The following MX2 variants were observed in gnomAD, a reference collection of about 807,000 sequenced individuals.
MX2 encodes the protein MX dynamin like GTPase 2.
In MX2, 51 loss-of-function variants were observed where a neutral mutation model predicts 74.0. The observed-to-expected ratio is 0.69, with a 90% CI of 0.55 to 0.87. The LOEUF is 0.87. MX2 is among the 40% of genes least tolerant of loss of function. The pLI is 0.00. For synonymous variants in MX2, 369 were observed against 339.3 expected, an observed-to-expected ratio of 1.09 and a Z score of -0.96; for missense variants, 832 against 908.7, an observed-to-expected ratio of 0.92 and a Z score of 1.09.
At chr21:41,378,738 A>T (rs1304595344) in intron 3 of MX2, among the ~76,000 whole-genome samples, 2 of 152,188 alleles carry the variant, frequency 1.3e-5, no homozygotes, top group Non-Finnish European at 2.9e-5. Flanking sequence ...AGGAGTTTTT[A>T]GGTAAGCAGG....
Position 41,401,994 on chromosome 21 carries a change from T to C in MX2, c.1439T>C (p.Val480Ala), listed in dbSNP as rs1259126110. 4.3e-6 allele frequency: 7 copies of C among 1,613,324 alleles called. No individual in the cohort carries two copies. The highest frequency in any genetic ancestry group is 4.0e-5 in the African/African-American group (3 of 74,860). ...QKVKNIIHEE[V>A]EKYEKQYRGK... ...GTTAAAAATATTATCCACGAAGAAG[T>C]TGAAAAATATGAAAAGCAGTATCGA... The change falls in exon 11 of 14, where the codon GTT (valine) becomes GCT (alanine). Residue 480 changes from valine to alanine, a missense_variant. Val to Ala is a moderately conservative substitution (Grantham distance 64). Coordinates refer to ENST00000330714, the MANE Select transcript of MX2 (RefSeq NM_002463.2).
At position 41,402,305 on chromosome 21, in the gene MX2, A is replaced by G. The variant is rs1374649066; in HGVS notation, c.1573+177A>G. ...GCCAGCAGCACTGGCAAGGCCTGAG[A>G]GCTGGTCAGAGCTACCGATTCTGCC... is the stretch of plus-strand genomic sequence containing the variant. On this transcript the variant is annotated intron_variant, in intron 11 of 13. Coordinates refer to ENST00000330714, the MANE Select transcript of MX2 (RefSeq NM_002463.2). This position sits in a 1 kb window ranked among gnomAD's most constrained non-coding sequence, Gnocchi z 4.5. 1 of 657,128 alleles carries G rather than the reference A, an allele frequency of 1.5e-6. No individual in the cohort carries two copies. The highest frequency in any genetic ancestry group is 1.8e-5 in the African/African-American group (1 of 54,918). The allele number at this position is 657,128 out of a possible 1,614,324, so 40.7% of individuals were successfully genotyped here.
Position 41,377,168 on chromosome 21 carries a change from G to A in MX2, c.249+13G>A. 3.1e-6 allele frequency: 5 copies of A among 1,613,230 alleles called. No individual in the cohort carries two copies. The highest frequency in any genetic ancestry group is 4.2e-6 in the Non-Finnish European group (5 of 1,179,392). On this transcript the variant is annotated intron_variant, in intron 2 of 13. Coordinates refer to ENST00000330714, the MANE Select transcript of MX2 (RefSeq NM_002463.2). The stretch of plus-strand genomic sequence containing the variant: ...ACCAAGGGCAATGGTAAGCCCGGTG[G>A]AGGGACGTTCAGAAAGGGTGCATTC...
At position 41,390,725 on chromosome 21, in the gene MX2, G is replaced by T. The variant is rs765064602; in HGVS notation, c.871+22G>T. 3 of 1,612,156 alleles carry T rather than the reference G, an allele frequency of 1.9e-6. No individual in the cohort carries two copies. In the Admixed American group the frequency reaches 5.0e-5, roughly 27 times the overall value. Reference sequence around the variant, plus strand: ...ATCGGTAAGAGGAAAGAACCAAGTGGCCGGGTGCGGTGGCTCAAGCCTGTA... The same window carrying T: ...ATCGGTAAGAGGAAAGAACCAAGTGTCCGGGTGCGGTGGCTCAAGCCTGTA... On this transcript the variant is annotated intron_variant, in intron 6 of 13. Coordinates refer to ENST00000330714, the MANE Select transcript of MX2 (RefSeq NM_002463.2).
chr21:41,377,770 T>G lies in MX2; in HGVS notation c.250-19T>G. The G allele has an allele frequency of 6.9e-6, 11 of 1,594,264 alleles. No homozygotes were observed. Among genetic ancestry groups the G allele is most frequent in the Non-Finnish European group, 9.4e-6 (11 of 1,165,204 alleles). ...CCTATCAGGGGTCAAGGCAGTGGCA[T>G]CTGTTCTGCCTTCTCCAGGGGCCCG... On this transcript the variant is annotated intron_variant, in intron 2 of 13. Coordinates refer to ENST00000330714, the MANE Select transcript of MX2 (RefSeq NM_002463.2).
At position 41,377,848 on chromosome 21, in the gene MX2, C is replaced by G. The variant is rs1228318739; in HGVS notation, c.309C>G (p.Leu103=). The G allele has an allele frequency of 6.8e-6, 11 of 1,614,232 alleles. No individual in the cohort carries two copies. Among genetic ancestry groups the G allele is most frequent in the African/African-American group, 1.3e-5 (1 of 75,074 alleles). The change falls in exon 3 of 14, where the codon CTC becomes CTG. Residue 103 remains leucine, a synonymous_variant. Coordinates refer to ENST00000330714, the MANE Select transcript of MX2 (RefSeq NM_002463.2). ...YEQKVRPCID[L]IDSLRALGVE... is the part of the protein sequence containing the mutation. ...AGAAGGTGCGCCCCTGCATTGACCT[C>G]ATCGACTCCCTGCGGGCTCTGGGTG...
intron 5 of MX2, chr21:41,389,512 C>G (rs1462864447): frequency 6.6e-6 from 1 of 152,118 alleles, no homozygotes; most frequent in East Asian, 1.9e-4. Context: ...CAGAGCAAGA[C>G]CATGTCTCAG....
rs2089824811 is a variant in MX2 at position 41,402,273 on chromosome 21, T to A, written c.1573+145T>A. The A allele has an allele frequency of 1.0e-6, 1 of 970,960 alleles. No individual in the cohort carries two copies. Among genetic ancestry groups the A allele is most frequent in the Non-Finnish European group, 1.5e-6 (1 of 682,320 alleles). The allele number at this position is 970,960 out of a possible 1,614,324, so 60.1% of individuals were successfully genotyped here. A position where few individuals can be genotyped will look rare whatever the true frequency, so the allele number is the denominator to read the frequency against. ...TGTGCTAGATTGCTACTCTGTGTGG[T>A]CTGTGAGCCAGCAGCACTGGCAAGG... On this transcript the variant is annotated intron_variant, in intron 11 of 13. Transcript: ENST00000330714. This position sits in a 1 kb window ranked among gnomAD's most constrained non-coding sequence, Gnocchi z 4.5.
intron 7 of MX2, among the ~76,000 whole-genome samples, chr21:41,396,669 A>G (rs2089740506): frequency 6.6e-6 from 1 of 152,190 alleles, no homozygotes; most frequent in Non-Finnish European, 1.5e-5. Context: ...GCCAGCACTC[A>G]GTAAACACCA....
In MX2 at chr21:41,377,328, C is replaced by T. The variant is rs149742234; in HGVS notation, c.249+173C>T. ...AGTACCAGGAACATACATAGACTCT[C>T]CTGCAGCAACGGGCTGCTGCGACGT... On this transcript the variant is annotated intron_variant, in intron 2 of 13. Coordinates refer to ENST00000330714, the MANE Select transcript of MX2 (RefSeq NM_002463.2). Among the ~76,000 whole-genome samples, 120 of 152,334 alleles carry T rather than the reference C, an allele frequency of 7.9e-4. 2 individuals carry two copies. Among genetic ancestry groups the T allele is most frequent in the Non-Finnish European group, 7.9e-4 (54 of 68,034 alleles).
rs1328524067 is a variant in MX2, at chr21:41,406,890, T to G, written c.1797T>G (p.Pro599=). Residue 599 remains proline (P), a synonymous_variant, in exon 13 of 14, where the codon CCT becomes CCG. Coordinates refer to ENST00000330714, the MANE Select transcript of MX2 (RefSeq NM_002463.2). ...LKKVREEIFN[P]LGTPSQNMKL... ...AAGTCCGAGAAGAGATTTTTAACCC[T>G]CTGGGGACGCCTTCACAGAATATGA... 6.2e-7 allele frequency: 1 copy of G among 1,614,232 alleles called. No homozygotes were observed. Among genetic ancestry groups the G allele is most frequent in the Admixed American group, 1.7e-5 (1 of 60,028 alleles).
intron 5 of MX2, among the ~76,000 whole-genome samples, chr21:41,385,070 CCTGTCTCA>C (rs1381914466): frequency 6.6e-6 from 1 of 152,068 alleles, no homozygotes; most frequent in Non-Finnish European, 1.5e-5. Context: ...TGTCTCCTTA[CCTGTCTCA>C]CTGTCTTATC....
In MX2 at chr21:41,377,169, A is replaced by T; in HGVS notation, c.249+14A>T. On this transcript the variant is annotated intron_variant, in intron 2 of 13. Coordinates refer to ENST00000330714, the MANE Select transcript of MX2 (RefSeq NM_002463.2). ...CCAAGGGCAATGGTAAGCCCGGTGG[A>T]GGGACGTTCAGAAAGGGTGCATTCT... 1 of 1,613,006 alleles carries T rather than the reference A, an allele frequency of 6.2e-7. No homozygotes were observed. The highest frequency in any genetic ancestry group is 8.5e-7 in the Non-Finnish European group (1 of 1,179,248).
chr21:41,382,604 T>C, intron 5 of MX2, 40 bp downstream of exon 5: 1 of 1,612,554 alleles, frequency 6.2e-7, no homozygotes, highest in Non-Finnish European at 8.5e-7. Flanking sequence ...TCTGCTGAAG[T>C]GGGGGAAGGG....
chr21:41,403,252 G>GTTT lies in MX2; in HGVS notation c.1574-15_1574-14insTTT. 6 of 1,565,096 alleles carry GTTT rather than the reference G, an allele frequency of 3.8e-6. No homozygotes were observed. The highest frequency in any genetic ancestry group is 4.4e-6 in the Non-Finnish European group (5 of 1,141,382). ...ATGTTTTCTTCTTCTTCTCCTTTTT[G>GTTT]CTTTTTTTGGTCAGAAATTATCCAG... On this transcript the variant is annotated splice_polypyrimidine_tract_variant and intron_variant, in intron 11 of 13. Coordinates refer to ENST00000330714, the MANE Select transcript of MX2 (RefSeq NM_002463.2).
At chr21:41,401,939 A>G in intron 10 of MX2, 31 bp from the exon 11 acceptor site, 1 of 1,601,680 alleles carries the variant, frequency 6.2e-7, no homozygotes, top group Middle Eastern at 1.7e-4. Context: ...AATTAGCAGA[A>G]TTCACCATGG....
At chr21:41,392,608 T>A (rs1006521294) in intron 6 of MX2, among the ~76,000 whole-genome samples, 1 of 152,176 alleles carries the variant, frequency 6.6e-6, no homozygotes, top group Non-Finnish European at 1.5e-5. Flanking sequence ...TACACAACAA[T>A]GTAAATGTAC....
intron 6 of MX2, among the ~76,000 whole-genome samples, chr21:41,392,564 T>A (rs575301284): frequency 6.6e-6 from 1 of 152,294 alleles, no homozygotes; most frequent in East Asian, 1.9e-4. Context: ...TTTGGGAAGA[T>A]GAAAAAGTTC....
At chr21:41,390,518 C>G (rs2089642940) in intron 5 of MX2, 47 bp from the exon 6 acceptor site, 2 of 1,610,854 alleles carry the variant, frequency 1.2e-6, no homozygotes, top group South Asian at 1.1e-5. Flanking sequence ...GCTGAGTGAC[C>G]AGAAGTGAGA....
Sources: gnomAD v4.1 joint callset for allele counts (sites outside exome capture counted in the v4.1 genomes callset) on GRCh38, gnomAD v4.1.1 for gene constraint, Gnocchi (gnomAD v3.1) non-coding constraint, MANE v1.5 for transcripts, NCBI Gene and HGNC (gene_info 2026-07-23, HGNC 2026-07-21) for gene names.